The following PRUNE2 variants were observed in gnomAD, a reference collection of about 807,000 sequenced individuals.
PRUNE2 encodes the protein protein prune homolog 2.
PRUNE2 carries 164 observed loss-of-function variants against 252.0 expected under a neutral mutation model. That is an observed-to-expected ratio of 0.65 (90% confidence interval 0.57 to 0.74). The LOEUF is 0.74. Ranked by LOEUF, PRUNE2 falls within the 30% of genes least tolerant of loss-of-function variation. PRUNE2 has a pLI of 0.00. For missense variants in PRUNE2, 3,495 were observed against 3,711.0 expected (o/e 0.94, Z 1.51); for synonymous variants, 1,292 against 1,350.2 (o/e 0.96, Z 0.94).
chr9:76,818,783 G>A (rs115006818), intron 6 of PRUNE2, among the ~76,000 whole-genome samples: 140 of 152,242 alleles, frequency 9.2e-4, no homozygotes, highest in African/African-American at 3.3e-3. Flanking sequence ...GTTCATACAG[G>A]CAATCTTAAA....
rs1267829834 is a variant in PRUNE2, at chr9:76,708,371, C to T, written c.3903G>A (p.Ala1301=). 5.6e-6 allele frequency: 9 copies of T among 1,613,808 alleles called. No homozygotes were observed. The highest frequency in any genetic ancestry group is 3.3e-5 in the South Asian group (3 of 91,066). ...AATACCCTGGATTCTCAAGCCTAGT[C>T]GCCAAGGATGCTGCATCACTTTGCA... ...ETLQSDAASL[A]TRLENPGYFP... is the part of the protein sequence containing the mutation. The change falls in exon 8 of 19, where the codon GCG becomes GCA. Residue 1301 remains alanine (A), a synonymous_variant. Transcript: ENST00000376718.
chr9:76,847,251 T>C (rs1470636932), intron 3 of PRUNE2, among the ~76,000 whole-genome samples: 2 of 150,404 alleles, frequency 1.3e-5, no homozygotes, highest in Non-Finnish European at 3.0e-5. Flanking sequence ...ACTTGAACCA[T>C]GGAGGCTGAG....
intron 6 of PRUNE2, among the ~76,000 whole-genome samples, chr9:76,727,500 T>C (rs956388896): frequency 6.6e-6 from 1 of 152,110 alleles, no homozygotes; most frequent in African/African-American, 2.4e-5. Flanking sequence ...TGCTTATAAA[T>C]GAAACCAAGC....
At chr9:76,756,378 T>C (rs1490943402) in intron 6 of PRUNE2, among the ~76,000 whole-genome samples, 1 of 152,240 alleles carries the variant, frequency 6.6e-6, no homozygotes. Flanking sequence ...AACCAGTCCC[T>C]GGCAGCTCTC....
chr9:76,817,852 C>T (rs1435186690), intron 6 of PRUNE2: 1 of 152,122 alleles, frequency 6.6e-6, no homozygotes, highest in Admixed American at 6.5e-5. Context: ...TAAGCACTCA[C>T]CATCATCAAC....
At chr9:76,767,819 C>T (rs978892645) in intron 6 of PRUNE2, among the ~76,000 whole-genome samples, 6 of 152,188 alleles carry the variant, frequency 3.9e-5, no homozygotes, top group Non-Finnish European at 5.9e-5. Flanking sequence ...ATCTTCTATC[C>T]GAACACTGTC....
chr9:76,632,711 C>T (rs537818380), intron 15 of PRUNE2, among the ~76,000 whole-genome samples: 2 of 152,190 alleles, frequency 1.3e-5, no homozygotes, highest in African/African-American at 4.8e-5. Flanking sequence ...GCACATGCTA[C>T]GCTGCCTAGC....
chr9:76,707,974 G>T lies in PRUNE2; in HGVS notation c.4300C>A (p.Leu1434Ile), dbSNP rs2046428137. 1 of 1,613,860 alleles carries T rather than the reference G, an allele frequency of 6.2e-7. No homozygotes were observed. Among genetic ancestry groups the T allele is most frequent in the Non-Finnish European group, 8.5e-7 (1 of 1,179,826 alleles). ...TCACCTGAATTTCTTTGACTCATGA[G>T]GTGTTTTTCATGGGTATCTTTTGGC... ...LQPKDTHEKH[L>I]MSQRNSGETT... The change falls in exon 8 of 19, where the codon CTC becomes ATC. Residue 1434 changes from leucine (L) to isoleucine (I), a missense_variant. Transcript: ENST00000376718.
chr9:76,797,423 A>T (rs1240590151), intron 6 of PRUNE2, among the ~76,000 whole-genome samples: 2 of 152,134 alleles, frequency 1.3e-5, no homozygotes, highest in Non-Finnish European at 2.9e-5. Flanking sequence ...TTTCTTGGTA[A>T]CATATGCATA....
chr9:76,837,800 C>G (rs770518844), intron 4 of PRUNE2, among the ~76,000 whole-genome samples: 6 of 140,256 alleles, frequency 4.3e-5, no homozygotes, highest in Admixed American at 1.5e-4. Context: ...GAGACGGAGT[C>G]TTGCTCTGTC....
intron 9 of PRUNE2, among the ~76,000 whole-genome samples, chr9:76,681,166 C>T (rs1351259025): frequency 1.3e-5 from 2 of 152,008 alleles, no homozygotes; most frequent in South Asian, 2.1e-4. Flanking sequence ...GTCACATAAG[C>T]GAGTCACACA....
At chr9:76,825,069 C>T (rs1050206276) in intron 5 of PRUNE2, among the ~76,000 whole-genome samples, 1 of 152,150 alleles carries the variant, frequency 6.6e-6, no homozygotes, top group Non-Finnish European at 1.5e-5. Flanking sequence ...CATGATGCTC[C>T]ACCACCAGCA....
intron 16 of PRUNE2, among the ~76,000 whole-genome samples, chr9:76,628,407 TA>T (rs1171926978): frequency 6.6e-6 from 1 of 152,184 alleles, no homozygotes; most frequent in Non-Finnish European, 1.5e-5. Flanking sequence ...GCCCTCTACT[TA>T]ATCATGACAA....
intron 14 of PRUNE2, 110 bp downstream of exon 14, chr9:76,637,308 G>C: frequency 9.6e-7 from 1 of 1,045,104 alleles, no homozygotes; most frequent in Non-Finnish European, 1.4e-6. Flanking sequence ...ATCTTATTGA[G>C]ACTTGGTTTC....
At chr9:76,736,816 T>C (rs2049116510) in intron 6 of PRUNE2, 1 of 152,248 alleles carries the variant, frequency 6.6e-6, no homozygotes, top group Non-Finnish European at 1.5e-5. Flanking sequence ...TCTTTGTACA[T>C]GACTTCATTC....
In PRUNE2 at chr9:76,906,046, G is replaced by C. The variant is rs2063476909; in HGVS notation, c.-83C>G. 1 of 1,475,536 alleles carries C rather than the reference G, an allele frequency of 6.8e-7. No homozygotes were observed. Among genetic ancestry groups the C allele is most frequent in the Admixed American group, 1.7e-5 (1 of 59,402 alleles). The allele number at this position is 1,475,536 out of a possible 1,614,324, so 91.4% of individuals were successfully genotyped here. On this transcript the variant is annotated 5_prime_UTR_variant, in exon 1 of 19. Coordinates refer to ENST00000376718, the MANE Select transcript of PRUNE2 (RefSeq NM_015225.3). Reference sequence around the variant, plus strand: ...CCCAAGGAAGACGAGCGGGGTCCCGGGAAAGTGGCCCGCCGGGGCGCAGCG... The same window carrying C: ...CCCAAGGAAGACGAGCGGGGTCCCGCGAAAGTGGCCCGCCGGGGCGCAGCG...
chr9:76,874,275 C>G (rs1029026843), intron 1 of PRUNE2, among the ~76,000 whole-genome samples: 5 of 152,158 alleles, frequency 3.3e-5, no homozygotes, highest in African/African-American at 1.2e-4. Context: ...TGTTTCCTCA[C>G]CTGTTACACT....
chr9:76,724,597 C>T (rs1341279721), intron 6 of PRUNE2, among the ~76,000 whole-genome samples: 1 of 152,148 alleles, frequency 6.6e-6, no homozygotes, highest in Non-Finnish European at 1.5e-5. Context: ...CATAAAGAAG[C>T]ACTGTTGTTA....
intron 4 of PRUNE2, among the ~76,000 whole-genome samples, chr9:76,832,440 A>G (rs2058720800): frequency 6.6e-6 from 1 of 152,160 alleles, no homozygotes; most frequent in Admixed American, 6.5e-5. Context: ...AATAGTCTAA[A>G]AACAATAACA....
Sources: allele counts gnomAD v4.1 joint callset (sites outside exome capture counted in the v4.1 genomes callset), GRCh38; gene constraint gnomAD v4.1.1; transcripts MANE v1.5; gene names NCBI Gene and HGNC (gene_info 2026-07-23, HGNC 2026-07-21).